The following DNAJC3 variants were observed in gnomAD, a reference collection of about 807,000 sequenced individuals.
DNAJC3 encodes the protein DnaJ heat shock protein family (Hsp40) member C3, also known as dnaJ homolog subfamily C member 3.
Under a neutral mutation model 68.6 loss-of-function variants are expected in DNAJC3, and 38 were observed. That is an observed-to-expected ratio of 0.55 (90% CI 0.43 to 0.73). DNAJC3 has a LOEUF of 0.73. Ranked by LOEUF, DNAJC3 falls within the 30% of genes least tolerant of loss-of-function variation. The pLI is 0.00. For missense variants in DNAJC3, 526 were observed against 591.9 expected (o/e 0.89, Z 1.16); for synonymous variants, 203 against 204.0 (o/e 1.00, Z 0.04).
At chr13:95,776,645 T>A (rs1311209570) in intron 9 of DNAJC3, among the ~76,000 whole-genome samples, 1 of 152,212 alleles carries the variant, frequency 6.6e-6, no homozygotes, top group African/African-American at 2.4e-5. Flanking sequence ...TTTGTATTTT[T>A]GTACTTTTAA....
intron 5 of DNAJC3, 89 bp downstream of exon 5, chr13:95,757,885 C>G (rs1882711657): frequency 2.2e-6 from 3 of 1,342,440 alleles, no homozygotes; most frequent in East Asian, 4.7e-5. Context: ...CCACAAAGAC[C>G]TAGACAGGAG....
chr13:95,703,483 G>A (rs1312758163), intron 1 of DNAJC3, among the ~76,000 whole-genome samples: 2 of 152,134 alleles, frequency 1.3e-5, no homozygotes, highest in African/African-American at 4.8e-5. Flanking sequence ...AAGATGGAGT[G>A]TTACCTTGTT....
intron 1 of DNAJC3, among the ~76,000 whole-genome samples, chr13:95,681,523 T>G (rs551068031): frequency 1.3e-5 from 2 of 152,044 alleles, no homozygotes; most frequent in South Asian, 4.2e-4. Context: ...CTACTAAGTT[T>G]TTAAAATTTT....
intron 4 of DNAJC3, among the ~76,000 whole-genome samples, chr13:95,748,012 A>ACCC: frequency 6.6e-6 from 1 of 152,176 alleles, no homozygotes; most frequent in African/African-American, 2.4e-5. Context: ...AATAATTTGT[A>ACCC]ATCTGTGAAT....
At chr13:95,705,759 G>C (rs946458012) in intron 1 of DNAJC3, among the ~76,000 whole-genome samples, 4 of 152,016 alleles carry the variant, frequency 2.6e-5, no homozygotes, top group Non-Finnish European at 5.9e-5. Flanking sequence ...GGCTGCTCTT[G>C]AACTCCTGGC....
chr13:95,753,047 C>A (rs139616047), intron 4 of DNAJC3, among the ~76,000 whole-genome samples: 145 of 152,264 alleles, frequency 9.5e-4, no homozygotes, highest in African/African-American at 3.3e-3. Flanking sequence ...CTGTTGGGTT[C>A]TAGTTATCCA....
At chr13:95,699,499 A>G (rs1880531825) in intron 1 of DNAJC3, among the ~76,000 whole-genome samples, 1 of 152,146 alleles carries the variant, frequency 6.6e-6, no homozygotes, top group Admixed American at 6.5e-5. Flanking sequence ...CTAAAATGTT[A>G]TGTTAAATGA....
rs1043307151 is a variant in DNAJC3, at chr13:95,794,177, T to G, written c.*3147T>G. The G allele has an allele frequency of 4.6e-5, 7 of 152,220 alleles. No individual in the cohort carries two copies. The highest frequency in any genetic ancestry group is 1.3e-4 in the Admixed American group (2 of 15,288). The allele number at this position is 152,220 out of a possible 1,614,324, so 9.4% of individuals were successfully genotyped here. A position where few individuals can be genotyped will look rare whatever the true frequency, so the allele number is the denominator to read the frequency against. ...TTTTTGTTGCCCTGATAATGGAATTTTAAAACTACCCACAGTTTAAGAGAA... is the reference window on the plus strand; with the variant it reads ...TTTTTGTTGCCCTGATAATGGAATTGTAAAACTACCCACAGTTTAAGAGAA... On this transcript the variant is annotated 3_prime_UTR_variant, in exon 12 of 12. Coordinates refer to ENST00000602402, the MANE Select transcript of DNAJC3 (RefSeq NM_006260.5).
intron 10 of DNAJC3, 26 bp downstream of exon 10, chr13:95,786,097 T>G (rs1317675227): frequency 6.4e-7 from 1 of 1,571,916 alleles, no homozygotes; most frequent in Non-Finnish European, 8.6e-7. Flanking sequence ...AAAATTTACT[T>G]TGCTATTTTT....
chr13:95,781,739 A>G (rs1035612571), intron 9 of DNAJC3, among the ~76,000 whole-genome samples: 4 of 151,922 alleles, frequency 2.6e-5, no homozygotes, highest in Non-Finnish European at 5.9e-5. Flanking sequence ...TAGGGCTGAT[A>G]TATGTCTGGC....
chr13:95,693,668 T>C, intron 1 of DNAJC3: 1 of 152,200 alleles, frequency 6.6e-6, no homozygotes, highest in East Asian at 1.9e-4. Context: ...ATTAGTCTTC[T>C]AACTAATAAT....
chr13:95,680,447 T>C (rs541101557), intron 1 of DNAJC3, among the ~76,000 whole-genome samples: 6 of 152,322 alleles, frequency 3.9e-5, no homozygotes, highest in Admixed American at 6.5e-5. Flanking sequence ...TTTTGTCTTT[T>C]CTAGGATTTT....
At chr13:95,718,785 C>A (rs1235207824) in intron 2 of DNAJC3, among the ~76,000 whole-genome samples, 2 of 152,206 alleles carry the variant, frequency 1.3e-5, no homozygotes, top group Non-Finnish European at 2.9e-5. Context: ...CTATTATATT[C>A]TCCCCGTGCA....
intron 1 of DNAJC3, among the ~76,000 whole-genome samples, chr13:95,706,658 T>C (rs1249498486): frequency 3.3e-5 from 5 of 151,952 alleles, no homozygotes; most frequent in African/African-American, 1.2e-4. Flanking sequence ...AGTGGAAGAG[T>C]CATCTCCTCA....
Position 95,790,996 on chromosome 13 carries a change from G to A in DNAJC3, c.1481G>A (p.Gly494Asp). ...CAAGGGTTCAATCCCTTCAGCTCAG[G>A]CGGACCATTTAGATTTAAATTCCAC... ...SWQGFNPFSS[G>D]GPFRFKFHFN The change falls in exon 12 of 12, where the codon GGC becomes GAC. Residue 494 changes from glycine to aspartate, a missense_variant. Physicochemically the swap from Gly to Asp is moderately conservative, Grantham distance 94. Coordinates refer to ENST00000602402, the MANE Select transcript of DNAJC3 (RefSeq NM_006260.5). 1.2e-6 allele frequency: 2 copies of A among 1,613,740 alleles called. No homozygotes were observed. The highest frequency in any genetic ancestry group is 1.7e-6 in the Non-Finnish European group (2 of 1,179,904).
chr13:95,747,227 A>T (rs1882331268), intron 4 of DNAJC3, among the ~76,000 whole-genome samples: 1 of 152,194 alleles, frequency 6.6e-6, no homozygotes, highest in Non-Finnish European at 1.5e-5. Context: ...CCTTCCAAGA[A>T]ATGATACTAG....
At chr13:95,708,512 A>G (rs185077282) in intron 1 of DNAJC3, among the ~76,000 whole-genome samples, 1 of 152,294 alleles carries the variant, frequency 6.6e-6, no homozygotes, top group Admixed American at 6.5e-5. Context: ...CTCCCGACTT[A>G]GGACCCTTGC....
intron 9 of DNAJC3, among the ~76,000 whole-genome samples, chr13:95,774,870 A>T (rs922297822): frequency 6.6e-6 from 1 of 152,182 alleles, no homozygotes; most frequent in Non-Finnish European, 1.5e-5. Context: ...CTTTATAAGT[A>T]TGTCTCTTAT....
chr13:95,720,577 A>G (rs1881289589), intron 2 of DNAJC3, among the ~76,000 whole-genome samples: 1 of 152,192 alleles, frequency 6.6e-6, no homozygotes, highest in Non-Finnish European at 1.5e-5. Flanking sequence ...TGTACCTTAC[A>G]AATAAAATAT....
Sources: allele counts gnomAD v4.1 joint callset (sites outside exome capture counted in the v4.1 genomes callset), GRCh38; gene constraint gnomAD v4.1.1; transcripts MANE v1.5; gene names NCBI Gene and HGNC (gene_info 2026-07-23, HGNC 2026-07-21).